Variants in SIK3 observed in about 807,000 individuals in gnomAD.
SIK3 encodes SIK family kinase 3.
Under a neutral mutation model 144.2 loss-of-function variants are expected in SIK3, and 28 were observed. The ratio of observed to expected loss-of-function variants is 0.19; its 90% CI spans 0.14 to 0.27. SIK3 has a LOEUF of 0.27. Among genes scored for constraint, SIK3 ranks in the 10% least tolerant of loss-of-function variants. The pLI is 1.00. For missense variants in SIK3, 1,319 were observed against 1,776.0 expected (o/e 0.74, Z 4.62); for synonymous variants, 686 against 676.3 (o/e 1.01, Z -0.22).
chr11:117,097,354 A>C (rs1955519783), intron 1 of SIK3, among the ~76,000 whole-genome samples: 1 of 151,826 alleles, frequency 6.6e-6, no homozygotes, highest in Non-Finnish European at 1.5e-5. Flanking sequence ...CCCTCCAACA[A>C]CTAAAAATAA....
Position 116,858,217 on chromosome 11 carries a change from C to T in SIK3, c.3248G>A (p.Gly1083Glu). Residue 1083 changes from glycine (G) to glutamate (E), a missense_variant, in exon 21 of 25, where the codon GGG (glycine) becomes GAG (glutamate). Physicochemically the swap from Gly to Glu is moderately conservative, Grantham distance 98 (BLOSUM62 -2). Coordinates refer to ENST00000445177, the MANE Select transcript of SIK3 (RefSeq NM_001366686.3). This position sits in a 1 kb window ranked among gnomAD's most constrained non-coding sequence, Gnocchi z 5.4. The stretch of plus-strand genomic sequence containing the variant: ...CTGGCGCTCTGTCATGCTCTGTCCC[C>T]CAAGGCTGGGAGCCAGACTCCCCGC... ...GDAGSLAPSL[G>E]GQSMTERQAL... 2 of 1,614,148 alleles carry T rather than the reference C, an allele frequency of 1.2e-6. No homozygotes were observed. The highest frequency in any genetic ancestry group is 1.1e-5 in the South Asian group (1 of 91,078).
intron 1 of SIK3, among the ~76,000 whole-genome samples, chr11:116,962,261 T>C (rs565081681): frequency 1.3e-5 from 2 of 152,176 alleles, no homozygotes; most frequent in East Asian, 3.9e-4. Context: ...CCAGGACAAA[T>C]GGACAGTTCA....
chr11:116,982,306 T>TTC (rs1555117445), intron 1 of SIK3, among the ~76,000 whole-genome samples: 4 of 151,596 alleles, frequency 2.6e-5, no homozygotes, highest in South Asian at 2.1e-4. Context: ...TTTTTTTTTT[T>TTC]CAGACGGAGT....
At chr11:116,995,427 C>T (rs2135578827) in intron 1 of SIK3, among the ~76,000 whole-genome samples, 1 of 151,962 alleles carries the variant, frequency 6.6e-6, no homozygotes, top group South Asian at 2.1e-4. Flanking sequence ...TCACACCCAG[C>T]TAATTTTTGT....
At chr11:116,897,751 C>T (rs370775180) in intron 4 of SIK3, among the ~76,000 whole-genome samples, 1 of 152,126 alleles carries the variant, frequency 6.6e-6, no homozygotes, top group Admixed American at 6.5e-5. Context: ...GGCGTGGTGG[C>T]GTGCGCCTGT....
At chr11:116,896,409 T>C in intron 5 of SIK3, 33 bp from the exon 6 acceptor site, 1 of 1,608,622 alleles carries the variant, frequency 6.2e-7, no homozygotes, top group Non-Finnish European at 8.5e-7. Context: ...GTACAATTAA[T>C]CACATCAGGG....
In SIK3 at chr11:116,876,321, C is replaced by A. The variant is rs148955504; in HGVS notation, c.1027G>T (p.Asp343Tyr). ...CQQLKEERQV[D>Y]PLNEDVLLAM... Reference sequence around the variant, plus strand: ...AAGAGGACATCCTCATTCAGGGGGTCCACCTGTCTTTCTTCCTTTAGTTGT... The same window carrying A: ...AAGAGGACATCCTCATTCAGGGGGTACACCTGTCTTTCTTCCTTTAGTTGT... The change falls in exon 8 of 25, where the codon GAC (aspartate) becomes TAC (tyrosine). Residue 343 changes from aspartate (D) to tyrosine (Y), a missense_variant. Around this residue, in one of 8 missense-constraint regions of SIK3, gnomAD observed 109 missense variants for 109.3 expected, o/e 1.00. Coordinates refer to ENST00000445177, the MANE Select transcript of SIK3 (RefSeq NM_001366686.3). The A allele has an allele frequency of 2.8e-5, 45 of 1,614,094 alleles. No homozygotes were observed. Among genetic ancestry groups the A allele is most frequent in the Non-Finnish European group, 3.3e-5 (39 of 1,180,042 alleles).
chr11:116,952,226 C>A (rs1390073334), intron 3 of SIK3, among the ~76,000 whole-genome samples: 1 of 151,932 alleles, frequency 6.6e-6, no homozygotes, highest in Non-Finnish European at 1.5e-5. Flanking sequence ...TATAGTGAGA[C>A]CCCCGTCTCT....
chr11:117,083,741 C>T (rs1954889021), intron 1 of SIK3, among the ~76,000 whole-genome samples: 1 of 152,192 alleles, frequency 6.6e-6, no homozygotes, highest in Admixed American at 6.6e-5. Flanking sequence ...CAGCTCTGCT[C>T]CTGTCTTCCA....
chr11:117,071,719 C>T (rs1261598756), intron 1 of SIK3, among the ~76,000 whole-genome samples: 2 of 151,730 alleles, frequency 1.3e-5, no homozygotes, highest in African/African-American at 2.4e-5. Flanking sequence ...CAGGCTCAAG[C>T]AATCCTCTCA....
At chr11:116,999,115 T>C (rs1171362777) in intron 1 of SIK3, among the ~76,000 whole-genome samples, 3 of 152,206 alleles carry the variant, frequency 2.0e-5, no homozygotes, top group African/African-American at 7.2e-5. Context: ...AAAATATAGT[T>C]TCACAAACAC....
At chr11:117,081,359 C>G (rs1954776020) in intron 1 of SIK3, among the ~76,000 whole-genome samples, 1 of 152,150 alleles carries the variant, frequency 6.6e-6, no homozygotes, top group Non-Finnish European at 1.5e-5. Context: ...CGCAGTGGCT[C>G]ACACCTGTAA....
At chr11:116,889,071 T>G (rs1456291393) in intron 6 of SIK3, among the ~76,000 whole-genome samples, 1 of 152,216 alleles carries the variant, frequency 6.6e-6, no homozygotes, top group Non-Finnish European at 1.5e-5. Context: ...TTTATCTTGC[T>G]CTTTTTGCAA....
At chr11:117,040,394 A>T (rs1952686391) in intron 1 of SIK3, among the ~76,000 whole-genome samples, 1 of 152,222 alleles carries the variant, frequency 6.6e-6, no homozygotes, top group Admixed American at 6.5e-5. Flanking sequence ...TCTGTTAATA[A>T]TGTTACTAGG....
At chr11:117,065,849 C>T (rs774247053) in intron 1 of SIK3, among the ~76,000 whole-genome samples, 2 of 151,868 alleles carry the variant, frequency 1.3e-5, no homozygotes, top group African/African-American at 2.4e-5. Flanking sequence ...AGGCTGGTCT[C>T]GAACTCCTGG....
At chr11:117,094,956 T>C (rs1166928895) in intron 1 of SIK3, among the ~76,000 whole-genome samples, 1 of 152,018 alleles carries the variant, frequency 6.6e-6, no homozygotes, top group Non-Finnish European at 1.5e-5. Context: ...GCTGCCAATA[T>C]GAAGTCTGAG....
intron 1 of SIK3, among the ~76,000 whole-genome samples, chr11:116,995,410 T>C (rs2135578707): frequency 1.3e-5 from 2 of 151,958 alleles, no homozygotes; most frequent in African/African-American, 4.8e-5. Context: ...ACTACAGGTG[T>C]GCACCATCAC....
chr11:116,914,696 T>C (rs1410800356), intron 4 of SIK3, among the ~76,000 whole-genome samples: 2 of 152,198 alleles, frequency 1.3e-5, no homozygotes, highest in African/African-American at 4.8e-5. Flanking sequence ...ATTGGTATAT[T>C]CTAGAGAAAT....
intron 1 of SIK3, among the ~76,000 whole-genome samples, chr11:117,020,604 T>C (rs1157082938): frequency 6.6e-6 from 1 of 152,120 alleles, no homozygotes; most frequent in Non-Finnish European, 1.5e-5. Context: ...GGCCAATGAC[T>C]TAATCAATCA....
Sources: allele counts gnomAD v4.1 joint callset (sites outside exome capture counted in the v4.1 genomes callset), GRCh38; gene constraint gnomAD v4.1.1; regional missense constraint gnomAD v4.1.1; non-coding constraint Gnocchi (gnomAD v3.1); transcripts MANE v1.5; gene names NCBI Gene and HGNC (gene_info 2026-07-23, HGNC 2026-07-21).